Variants in BEND7 observed in about 807,000 individuals in gnomAD.
BEND7 encodes the protein BEN domain containing 7, also known as BEN domain-containing protein 7.
BEND7 carries 28 observed loss-of-function variants against 50.9 expected under a neutral mutation model. The observed-to-expected ratio is 0.55, with a 90% confidence interval of 0.41 to 0.75. The LOEUF (loss-of-function observed/expected upper bound fraction) is 0.75. Ranked by LOEUF, BEND7 falls within the 30% of genes least tolerant of loss-of-function variation. The pLI, the probability that BEND7 is intolerant of heterozygous loss-of-function variation, is 0.00. For synonymous variants in BEND7, 170 were observed against 183.9 expected, an observed-to-expected ratio of 0.92 and a Z score of 0.61; for missense variants, 477 against 491.3, an observed-to-expected ratio of 0.97 and a Z score of 0.28.
At chr10:13,462,979 T>C (rs1023693452) in intron 6 of BEND7, among the ~76,000 whole-genome samples, 3 of 152,122 alleles carry the variant, frequency 2.0e-5, no homozygotes, top group African/African-American at 7.2e-5. Context: ...CACTGGAATA[T>C]CTTCAAATCA....
chr10:13,523,749 C>T (rs773238427), intron 2 of BEND7, among the ~76,000 whole-genome samples: 6 of 152,182 alleles, frequency 3.9e-5, no homozygotes, highest in South Asian at 4.1e-4. Context: ...ACAAAAAATT[C>T]CTACTCTCAG....
chr10:13,455,731 A>G (rs753509422), intron 6 of BEND7, among the ~76,000 whole-genome samples: 7 of 152,132 alleles, frequency 4.6e-5, no homozygotes, highest in Non-Finnish European at 8.8e-5. Flanking sequence ...CCTCTTCTGA[A>G]CCCACGGAAA....
At chr10:13,512,337 A>T (rs532405473) in intron 2 of BEND7, among the ~76,000 whole-genome samples, 1 of 152,308 alleles carries the variant, frequency 6.6e-6, no homozygotes, top group East Asian at 1.9e-4. Context: ...CAAAGATGAA[A>T]ACTTCAGAAA....
rs192505822 is a variant in BEND7, at chr10:13,481,142, A to G, written c.838-18T>C. The G allele has an allele frequency of 2.9e-5, 47 of 1,609,930 alleles. No homozygotes were observed. In the Admixed American group the frequency reaches 6.7e-4, roughly 23 times the overall value. Reference sequence around the variant, plus strand: ...ACTTCTGGCTACCAAAAGAACACAGATATTTCATTAAAAGCAAGATTTGAA... The same window carrying G: ...ACTTCTGGCTACCAAAAGAACACAGGTATTTCATTAAAAGCAAGATTTGAA... On this transcript the variant is annotated intron_variant, in intron 5 of 8. Coordinates refer to ENST00000466271, the MANE Select transcript of BEND7 (RefSeq NM_001369863.1).
intron 4 of BEND7, among the ~76,000 whole-genome samples, chr10:13,495,481 G>C (rs1428914919): frequency 6.6e-6 from 1 of 152,148 alleles, no homozygotes; most frequent in Non-Finnish European, 1.5e-5. Flanking sequence ...GACCAACATG[G>C]AGAAACCCCA....
At chr10:13,472,709 G>A (rs2075001041) in intron 6 of BEND7, among the ~76,000 whole-genome samples, 1 of 150,818 alleles carries the variant, frequency 6.6e-6, no homozygotes, top group Admixed American at 6.6e-5. Flanking sequence ...TTAGACTCAG[G>A]GTTGATACTC....
chr10:13,458,022 C>G (rs182126083), intron 6 of BEND7, among the ~76,000 whole-genome samples: 22 of 152,316 alleles, frequency 1.4e-4, no homozygotes, highest in African/African-American at 5.3e-4. Flanking sequence ...ATAAGATCAA[C>G]AATTAAACTA....
intron 7 of BEND7, among the ~76,000 whole-genome samples, chr10:13,448,847 C>G (rs546534679): frequency 6.6e-6 from 1 of 151,904 alleles, no homozygotes; most frequent in East Asian, 1.9e-4. Context: ...AGGTGGCAGG[C>G]GCCTGTAGTC....
At chr10:13,475,362 T>C (rs553600431) in intron 6 of BEND7, among the ~76,000 whole-genome samples, 71 of 152,388 alleles carry the variant, frequency 4.7e-4, no homozygotes, top group Middle Eastern at 3.4e-3. Flanking sequence ...TTCATCACTT[T>C]GGTTCTGACT....
chr10:13,453,249 A>C (rs1838182204), intron 6 of BEND7, among the ~76,000 whole-genome samples: 2 of 149,360 alleles, frequency 1.3e-5, no homozygotes, highest in African/African-American at 5.0e-5. Context: ...GGTAGGACAC[A>C]AGGCAGGCGG....
intron 2 of BEND7, among the ~76,000 whole-genome samples, chr10:13,520,936 T>A (rs1332629577): frequency 6.6e-6 from 1 of 152,214 alleles, no homozygotes; most frequent in Non-Finnish European, 1.5e-5. Context: ...GTATTTAAGT[T>A]CCCTCAAGAG....
intron 2 of BEND7, among the ~76,000 whole-genome samples, chr10:13,519,899 G>A (rs2078968216): frequency 1.3e-5 from 2 of 152,204 alleles, no homozygotes; most frequent in Admixed American, 1.3e-4. Context: ...CAGTGAAATG[G>A]CAGAGATGAG....
intron 2 of BEND7, chr10:13,500,716 G>A (rs2077379772): frequency 3.0e-6 from 3 of 985,610 alleles, no homozygotes; most frequent in Non-Finnish European, 3.6e-6. Flanking sequence ...GAGAGGCGCC[G>A]AGTGTGGCAG....
chr10:13,441,660 T>TTAA lies in BEND7; in HGVS notation c.*82_*83insTTA. The TTAA allele has an allele frequency of 6.2e-7, 1 of 1,606,728 alleles. No homozygotes were observed. Among genetic ancestry groups the TTAA allele is most frequent in the Non-Finnish European group, 8.5e-7 (1 of 1,177,242 alleles). ...AATTAATCTTCTCCCTTCCCTTGGG[T>TTAA]AGTAGCTCCTTGTGGGAGGCAGAGG... is the stretch of plus-strand genomic sequence containing the variant. On this transcript the variant is annotated 3_prime_UTR_variant, in exon 9 of 9. Coordinates refer to ENST00000466271, the MANE Select transcript of BEND7 (RefSeq NM_001369863.1).
intron 2 of BEND7, chr10:13,500,859 C>G: frequency 1.0e-6 from 1 of 985,224 alleles, no homozygotes; most frequent in Non-Finnish European, 1.2e-6. Flanking sequence ...TGCAACCTCC[C>G]CACCGTGCCC....
At chr10:13,447,186 T>A in intron 8 of BEND7, 80 bp downstream of exon 8, 1 of 1,463,146 alleles carries the variant, frequency 6.8e-7, no homozygotes. Context: ...ATGTCTAATG[T>A]TAAAATCGTT....
At chr10:13,515,787 T>C (rs997021749) in intron 2 of BEND7, among the ~76,000 whole-genome samples, 3 of 152,206 alleles carry the variant, frequency 2.0e-5, no homozygotes, top group Admixed American at 1.3e-4. Context: ...ATAGTTTTTT[T>C]CCTGTTTAAA....
chr10:13,466,912 G>A (rs1338411361), intron 6 of BEND7, among the ~76,000 whole-genome samples: 1 of 152,200 alleles, frequency 6.6e-6, no homozygotes, highest in East Asian at 1.9e-4. Context: ...CAGTGCCAGG[G>A]TAAATTATAA....
intron 6 of BEND7, among the ~76,000 whole-genome samples, chr10:13,456,834 C>T (rs1485676645): frequency 2.6e-5 from 4 of 152,156 alleles, no homozygotes; most frequent in Non-Finnish European, 5.9e-5. Context: ...CAAATTTAGG[C>T]TAATTGGGGG....
Sources: gnomAD v4.1 joint callset for allele counts (sites outside exome capture counted in the v4.1 genomes callset) on GRCh38, gnomAD v4.1.1 for gene constraint, MANE v1.5 for transcripts, NCBI Gene and HGNC (gene_info 2026-07-23, HGNC 2026-07-21) for gene names.